The following PRKN variants were observed in gnomAD, a reference collection of about 807,000 sequenced individuals.
The protein encoded by PRKN is E3 ubiquitin-protein ligase parkin.
PRKN carries 56 observed loss-of-function variants against 59.5 expected under a neutral mutation model. That is an observed-to-expected ratio of 0.94 (90% CI 0.76 to 1.18). The LOEUF (loss-of-function observed/expected upper bound fraction) is 1.18. PRKN is among the 50% of genes most tolerant of loss of function. The pLI is 0.00. For synonymous variants in PRKN, 250 were observed against 222.1 expected (o/e 1.13, Z -1.12); for missense variants, 657 against 596.4 (o/e 1.10, Z -1.06).
At chr6:162,069,725 G>T (rs1313033700) in intron 4 of PRKN, among the ~76,000 whole-genome samples, 2 of 152,170 alleles carry the variant, frequency 1.3e-5, no homozygotes, top group Non-Finnish European at 2.9e-5. Flanking sequence ...TTGTTCCTAA[G>T]TAAGCCAAGT....
At chr6:162,073,288 A>G (rs1207870143) in intron 4 of PRKN, among the ~76,000 whole-genome samples, 1 of 152,244 alleles carries the variant, frequency 6.6e-6, no homozygotes, top group East Asian at 1.9e-4. Context: ...ACAATGCTGC[A>G]GCTGCTGTTG....
rs932821840 is a variant in PRKN, at chr6:161,471,864, T to C, written c.1083+76990A>G. Reference sequence around the variant, plus strand: ...ATCTAAGGTAACACTAATAGAAAAATACAGCATAAACTGAAGGTGTGGATA... The same window carrying C: ...ATCTAAGGTAACACTAATAGAAAAACACAGCATAAACTGAAGGTGTGGATA... On this transcript the variant is annotated intron_variant, in intron 9 of 11. Transcript: ENST00000366898. This position sits in a 1 kb window ranked among gnomAD's most constrained non-coding sequence, Gnocchi z 4.5. 4.6e-5 allele frequency among the ~76,000 whole-genome samples: 7 copies of C among 152,030 alleles called. No homozygotes were observed. The highest frequency in any genetic ancestry group is 1.3e-4 in the Admixed American group (2 of 15,258).
chr6:161,609,279 CAT>C lies in PRKN; in HGVS notation c.872-39865_872-39864del, dbSNP rs1424445088. On this transcript the variant is annotated intron_variant, in intron 7 of 11. Transcript: ENST00000366898. ...GGGGATAAATAATGAAAAAGTGTCT[CAT>C]ATATTTCTACTCTAAGAGCACTTTT... 2.6e-5 allele frequency among the ~76,000 whole-genome samples: 4 copies of C among 152,318 alleles called. 1 individual carries two copies. Among genetic ancestry groups the C allele is most frequent in the Admixed American group, 2.6e-4 (4 of 15,302 alleles).
In PRKN at chr6:162,696,572, TTC is replaced by T. The variant is rs1367202452; in HGVS notation, c.7+31088_7+31089del. Among the ~76,000 whole-genome samples the T allele has an allele frequency of 2.8e-4, 41 of 146,890 alleles. 11 individuals are homozygous for T. Among genetic ancestry groups the T allele is most frequent in the Middle Eastern group, 6.9e-3 (2 of 290 alleles). ...TGTCAGGAAAAACTTTTTTTTTTTT[TTC>T]TTTTTTTTGAGATAGGGTCTTACTC... On this transcript the variant is annotated intron_variant, in intron 1 of 11. Transcript: ENST00000366898.
chr6:162,533,261 C>T (rs1158934792), intron 1 of PRKN, among the ~76,000 whole-genome samples: 6 of 152,160 alleles, frequency 3.9e-5, no homozygotes, highest in East Asian at 1.9e-4. Context: ...CGGTGGCTCA[C>T]GCCTATAATC....
chr6:162,581,952 G>T (rs1041111693), intron 1 of PRKN, among the ~76,000 whole-genome samples: 4 of 152,100 alleles, frequency 2.6e-5, no homozygotes, highest in Non-Finnish European at 5.9e-5. Flanking sequence ...GGGGAATCAT[G>T]TTTTCCCTCA....
intron 5 of PRKN, among the ~76,000 whole-genome samples, chr6:162,005,072 T>C (rs947447232): frequency 3.9e-5 from 6 of 152,208 alleles, no homozygotes; most frequent in African/African-American, 1.4e-4. Flanking sequence ...GTAATAGCTT[T>C]TGAAATCTGA....
chr6:162,423,636 T>A (rs909103049), intron 2 of PRKN, among the ~76,000 whole-genome samples: 2 of 152,156 alleles, frequency 1.3e-5, no homozygotes, highest in African/African-American at 4.8e-5. Flanking sequence ...AACCCACTGG[T>A]TTCCTCTATT....
chr6:162,650,290 T>C (rs1778367904), intron 1 of PRKN, among the ~76,000 whole-genome samples: 1 of 152,120 alleles, frequency 6.6e-6, no homozygotes, highest in African/African-American at 2.4e-5. Context: ...ACAATGCTTT[T>C]GAAGCAGGTT....
At chr6:162,030,224 C>T (rs1783585885) in intron 5 of PRKN, among the ~76,000 whole-genome samples, 1 of 152,166 alleles carries the variant, frequency 6.6e-6, no homozygotes, top group Non-Finnish European at 1.5e-5. Flanking sequence ...ATCCCTACAA[C>T]TAATAATGCC....
At chr6:162,469,354 G>T (rs1338787343) in intron 1 of PRKN, among the ~76,000 whole-genome samples, 2 of 95,838 alleles carry the variant, frequency 2.1e-5, no homozygotes, top group African/African-American at 6.9e-5. Context: ...GGTTGCAGGG[G>T]GGGGTGGGTG....
chr6:161,613,939 T>C (rs184738318), intron 7 of PRKN, among the ~76,000 whole-genome samples: 31 of 152,328 alleles, frequency 2.0e-4, no homozygotes, highest in Non-Finnish European at 3.8e-4. Flanking sequence ...AGCACTGCTC[T>C]GTGGGGCTCT....
At position 161,972,440 on chromosome 6, in the gene PRKN, T is replaced by C. The variant is rs577232383; in HGVS notation, c.734+862A>G. Among the ~76,000 whole-genome samples, 3 of 152,310 alleles carry C rather than the reference T, an allele frequency of 2.0e-5. No individual in the cohort carries two copies. The South Asian group carries it at 6.2e-4, about 32-fold the overall frequency. ...GAATTGTACTCTGAATTGCCTACTC[T>C]GCAGAGCAAACAGACTCAGTTTCTT... On this transcript the variant is annotated intron_variant, in intron 6 of 11. Transcript: ENST00000366898.
chr6:161,450,711 C>T (rs982332735), intron 9 of PRKN, among the ~76,000 whole-genome samples: 35 of 152,110 alleles, frequency 2.3e-4, no homozygotes, highest in African/African-American at 2.2e-4. Context: ...TGCCCGCCAC[C>T]ACACCCAGCT....
chr6:162,323,932 C>A (rs1483676347), intron 2 of PRKN, among the ~76,000 whole-genome samples: 1 of 151,666 alleles, frequency 6.6e-6, no homozygotes, highest in Non-Finnish European at 1.5e-5. Flanking sequence ...AATTAGTACA[C>A]AATATTCAGA....
chr6:162,177,300 G>A (rs1783584470), intron 4 of PRKN, among the ~76,000 whole-genome samples: 2 of 151,862 alleles, frequency 1.3e-5, no homozygotes, highest in African/African-American at 4.8e-5. Flanking sequence ...AAATTCAGAA[G>A]AAAAAAGAAA....
rs1020537526 is a variant in PRKN, at chr6:161,428,725, T to C, written c.1084-41848A>G. Among the ~76,000 whole-genome samples the C allele has an allele frequency of 6.6e-6, 1 of 152,218 alleles. No individual in the cohort carries two copies. The highest frequency in any genetic ancestry group is 6.5e-5 in the Admixed American group (1 of 15,280). On this transcript the variant is annotated intron_variant, in intron 9 of 11. Transcript: ENST00000366898. This position sits in a 1 kb window ranked among gnomAD's most constrained non-coding sequence, Gnocchi z 4.0. ...CAAAAAAAGCACATTCACATTTTTT[T>C]TCTTTCATTTTTCTGCCTGAGTACC...
At chr6:161,900,116 T>TAATAAAATAAAATAA (rs762480638) in intron 6 of PRKN, among the ~76,000 whole-genome samples, 6,147 of 151,218 alleles carry the variant, frequency 0.041, 354 homozygotes, top group East Asian at 0.31. Flanking sequence ...GACTCAAAAA[T>TAATAAAATAAAATAA]AATAAAATAA....
intron 1 of PRKN, among the ~76,000 whole-genome samples, chr6:162,458,569 G>A (rs1023174837): frequency 1.1e-4 from 17 of 150,850 alleles, no homozygotes; most frequent in African/African-American, 3.9e-4. Context: ...TTTCCAGTAC[G>A]TGTCTTTTCC....
Sources: gnomAD v4.1 joint callset for allele counts (sites outside exome capture counted in the v4.1 genomes callset) on GRCh38, gnomAD v4.1.1 for gene constraint, Gnocchi (gnomAD v3.1) non-coding constraint, MANE v1.5 for transcripts, NCBI Gene and HGNC (gene_info 2026-07-23, HGNC 2026-07-21) for gene names.